The following DRC10 variants were observed in gnomAD, a reference collection of about 807,000 sequenced individuals.
DRC10 encodes IQ domain-containing protein D.
At chr12:113,204,772 T>TA in the DRC10 span, among the ~76,000 whole-genome samples, 1 of 151,954 alleles carries the variant, frequency 6.6e-6, no homozygotes, top group African/African-American at 2.4e-5. Context: ...TACTAAAAGA[T>TA]ACAAAAATTA....
chr12:113,209,511 C>T, the DRC10 span, among the ~76,000 whole-genome samples: 1 of 152,146 alleles, frequency 6.6e-6, no homozygotes, highest in East Asian at 1.9e-4. Flanking sequence ...CCTGTCTCAG[C>T]CTCTCAAGTA....
At chr12:113,215,815 T>C in the DRC10 span, among the ~76,000 whole-genome samples, 1 of 152,188 alleles carries the variant, frequency 6.6e-6, no homozygotes. Context: ...TTGAAAAAAA[T>C]ATTTAACTAC....
the DRC10 span, among the ~76,000 whole-genome samples, chr12:113,219,920 C>T: frequency 3.6e-4 from 55 of 152,216 alleles, no homozygotes; most frequent in African/African-American, 9.6e-4. Context: ...GAAATTCTCC[C>T]GCTCAGCCTC....
chr12:113,196,002 A>AGAGAT, the DRC10 span: 2 of 1,424,582 alleles, frequency 1.4e-6, no homozygotes, highest in African/African-American at 2.9e-5. Context: ...GATGCCCCTA[A>AGAGAT]GCTAAGCTGT....
At chr12:113,214,290 C>T in the DRC10 span, among the ~76,000 whole-genome samples, 2 of 152,046 alleles carry the variant, frequency 1.3e-5, no homozygotes, top group African/African-American at 4.8e-5. Flanking sequence ...AGGTGGATCA[C>T]CTGAGGTCAG....
chr12:113,215,656 T>G, the DRC10 span, among the ~76,000 whole-genome samples: 1 of 152,188 alleles, frequency 6.6e-6, no homozygotes, highest in Non-Finnish European at 1.5e-5. Context: ...CATCAGGAAT[T>G]TTAATTCCTC....
the DRC10 span, among the ~76,000 whole-genome samples, chr12:113,218,938 C>T: frequency 6.6e-6 from 1 of 152,148 alleles, no homozygotes; most frequent in Non-Finnish European, 1.5e-5. Flanking sequence ...TTGCTAAGAA[C>T]ATTTATATTT....
the DRC10 span, among the ~76,000 whole-genome samples, chr12:113,213,135 C>T: frequency 6.8e-5 from 10 of 146,996 alleles, no homozygotes; most frequent in Non-Finnish European, 1.2e-4. Context: ...TAACAACTAC[C>T]CTACAAATCC....
the DRC10 span, among the ~76,000 whole-genome samples, chr12:113,214,153 A>G: frequency 6.6e-6 from 1 of 152,110 alleles, no homozygotes; most frequent in African/African-American, 2.4e-5. Flanking sequence ...GAAAGAAGCA[A>G]CAGATTCATG....
chr12:113,213,176 TAAAAAAAAAAAA>T, the DRC10 span, among the ~76,000 whole-genome samples: 1 of 63,572 alleles, frequency 1.6e-5, no homozygotes. Flanking sequence ...CAGAGGGTGC[TAAAAAAAAAAAA>T]AAAAAAAAAA....
At chr12:113,207,821 G>C in the DRC10 span, 51 of 1,614,162 alleles carry the variant, frequency 3.2e-5, no homozygotes, top group Non-Finnish European at 4.3e-5. Context: ...TTCTGCTCCT[G>C]CAATTGCCTT....
chr12:113,208,261 T>A, the DRC10 span: 3 of 1,485,178 alleles, frequency 2.0e-6, no homozygotes, highest in Non-Finnish European at 2.7e-6. Flanking sequence ...CTGGCCATCC[T>A]GCAAAATGAA....
chr12:113,196,129 G>A, the DRC10 span, among the ~76,000 whole-genome samples: 183 of 152,210 alleles, frequency 1.2e-3, 2 homozygotes, highest in Non-Finnish European at 1.5e-3. Context: ...GGGCTTGTGA[G>A]TTGGGCAGAC....
At chr12:113,218,100 C>CA in the DRC10 span, among the ~76,000 whole-genome samples, 1 of 151,726 alleles carries the variant, frequency 6.6e-6, no homozygotes, top group Admixed American at 6.6e-5. Context: ...TTTTCTCACC[C>CA]AAAACATCAA....
the DRC10 span, chr12:113,207,828 C>A: frequency 1.9e-6 from 3 of 1,614,050 alleles, no homozygotes; most frequent in Admixed American, 3.3e-5. Flanking sequence ...CCTGCAATTG[C>A]CTTTCTTTCT....
chr12:113,210,134 T>C, the DRC10 span, among the ~76,000 whole-genome samples: 1 of 152,318 alleles, frequency 6.6e-6, no homozygotes, highest in African/African-American at 2.4e-5. Context: ...AGACTCTGTT[T>C]CAAAAGATAG....
chr12:113,195,653 C>CT, the DRC10 span: 39 of 1,612,770 alleles, frequency 2.4e-5, no homozygotes, highest in Non-Finnish European at 1.9e-5. Context: ...TGCCCCGCTT[C>CT]TTCTTGGATC....
At chr12:113,207,916 C>T in the DRC10 span, 1 of 1,614,220 alleles carries the variant, frequency 6.2e-7, no homozygotes, top group Non-Finnish European at 8.5e-7. Flanking sequence ...GACGTCCTCC[C>T]CCAGCATCCC....
chr12:113,208,223 C>T, the DRC10 span: 2 of 1,534,284 alleles, frequency 1.3e-6, no homozygotes, highest in Non-Finnish European at 1.7e-6. Flanking sequence ...CTTCGGTAGA[C>T]TACTTGGGTC....
Sources: allele counts gnomAD v4.1 joint callset (sites outside exome capture counted in the v4.1 genomes callset), GRCh38; gene constraint gnomAD v4.1.1; transcripts MANE v1.5; gene names NCBI Gene and HGNC (gene_info 2026-07-23, HGNC 2026-07-21).